The following FHIT variants were observed in gnomAD, a reference collection of about 807,000 sequenced individuals.
FHIT encodes the protein fragile histidine triad diadenosine triphosphatase, also known as bis(5'-adenosyl)-triphosphatase.
FHIT carries 19 observed loss-of-function variants against 17.9 expected under a neutral mutation model. The ratio of observed to expected loss-of-function variants is 1.06; its 90% CI spans 0.74 to 1.56. FHIT has a LOEUF of 1.56. Ranked by LOEUF, FHIT falls within the 40% of genes most tolerant of loss-of-function variation. FHIT has a pLI of 0.00. For missense variants in FHIT, 248 were observed against 189.2 expected (o/e 1.31, Z -1.82); for synonymous variants, 81 against 69.7 (o/e 1.16, Z -0.81).
intron 5 of FHIT, among the ~76,000 whole-genome samples, chr3:60,262,307 G>C (rs1202482691): frequency 1.3e-5 from 2 of 152,008 alleles, no homozygotes; most frequent in Non-Finnish European, 2.9e-5. Context: ...GGAACCAGTA[G>C]CATGGTGTAT....
intron 5 of FHIT, among the ~76,000 whole-genome samples, chr3:60,461,809 A>G (rs953999062): frequency 1.3e-5 from 2 of 152,168 alleles, no homozygotes; most frequent in Admixed American, 6.5e-5. Context: ...CAAACAAGCC[A>G]TGCTCTTTCC....
At chr3:60,471,595 G>A (rs973547682) in intron 5 of FHIT, among the ~76,000 whole-genome samples, 3 of 152,156 alleles carry the variant, frequency 2.0e-5, no homozygotes, top group Non-Finnish European at 2.9e-5. Context: ...ATGGCGGAAT[G>A]GTGACATCAA....
chr3:60,425,825 T>C (rs1354571244), intron 5 of FHIT, among the ~76,000 whole-genome samples: 4 of 152,040 alleles, frequency 2.6e-5, no homozygotes, highest in Non-Finnish European at 5.9e-5. Context: ...AAGTAAATGA[T>C]AGGATCCCAG....
At chr3:59,769,640 G>A (rs944966044) in intron 8 of FHIT, among the ~76,000 whole-genome samples, 2 of 151,918 alleles carry the variant, frequency 1.3e-5, no homozygotes, top group South Asian at 2.1e-4. Context: ...ATTATGTTTC[G>A]GATACCATAG....
intron 4 of FHIT, among the ~76,000 whole-genome samples, chr3:60,754,072 T>C (rs2042523041): frequency 6.6e-6 from 1 of 152,110 alleles, no homozygotes; most frequent in Non-Finnish European, 1.5e-5. Context: ...AATAAATCCT[T>C]ATGGTGTAGT....
At chr3:60,794,685 T>G (rs1553729673) in intron 4 of FHIT, among the ~76,000 whole-genome samples, 2 of 152,234 alleles carry the variant, frequency 1.3e-5, no homozygotes, top group African/African-American at 4.8e-5. Context: ...GGGGCTAATA[T>G]TTTAATAATC....
chr3:60,151,134 G>C (rs1314395945), intron 5 of FHIT, among the ~76,000 whole-genome samples: 1 of 152,060 alleles, frequency 6.6e-6, no homozygotes, highest in African/African-American at 2.4e-5. Flanking sequence ...TAAAAGACTG[G>C]ACATGAGAAT....
chr3:60,803,450 C>T (rs1468009529), intron 4 of FHIT, among the ~76,000 whole-genome samples: 5 of 152,170 alleles, frequency 3.3e-5, no homozygotes, highest in Non-Finnish European at 5.9e-5. Context: ...GCCCCATTCA[C>T]GTTCATTCAG....
At chr3:60,232,171 C>T (rs1200940600) in intron 5 of FHIT, among the ~76,000 whole-genome samples, 1 of 152,144 alleles carries the variant, frequency 6.6e-6, no homozygotes, top group Non-Finnish European at 1.5e-5. Flanking sequence ...CCTGTAAGAA[C>T]ACTCTCATTT....
chr3:60,971,039 T>C (rs1354947019), intron 3 of FHIT, among the ~76,000 whole-genome samples: 1 of 152,280 alleles, frequency 6.6e-6, no homozygotes, highest in East Asian at 1.9e-4. Context: ...TTTTATAATA[T>C]ATAACTATGA....
At chr3:61,216,228 G>A (rs1016330608) in intron 1 of FHIT, among the ~76,000 whole-genome samples, 1 of 152,104 alleles carries the variant, frequency 6.6e-6, no homozygotes, top group South Asian at 2.1e-4. Context: ...CGGAGAAAAT[G>A]TTTGCAACCT....
intron 2 of FHIT, among the ~76,000 whole-genome samples, chr3:61,048,807 G>A (rs1309273024): frequency 6.6e-6 from 1 of 152,130 alleles, no homozygotes; most frequent in Non-Finnish European, 1.5e-5. Flanking sequence ...AAAAAATGAT[G>A]AGTTCATGTC....
chr3:60,405,378 C>G (rs1324337468), intron 5 of FHIT, among the ~76,000 whole-genome samples: 1 of 152,186 alleles, frequency 6.6e-6, no homozygotes, highest in Non-Finnish European at 1.5e-5. Context: ...TAAAAGGTCC[C>G]AGACCCAGAT....
chr3:60,757,606 G>T (rs1265636039), intron 4 of FHIT, among the ~76,000 whole-genome samples: 2 of 152,158 alleles, frequency 1.3e-5, no homozygotes, highest in Non-Finnish European at 2.9e-5. Flanking sequence ...CTCTTCCTGG[G>T]AAGTGGCAGC....
chr3:60,281,899 T>C (rs1707476283), intron 5 of FHIT, among the ~76,000 whole-genome samples: 1 of 152,190 alleles, frequency 6.6e-6, no homozygotes, highest in African/African-American at 2.4e-5. Flanking sequence ...AGGCACAGAA[T>C]GGTAGAAAAT....
rs76881479 is a variant in FHIT, at chr3:60,029,221, A to C, written c.104-15069T>G. On this transcript the variant is annotated intron_variant, in intron 5 of 9. Transcript: ENST00000492590. Reference sequence around the variant, plus strand: ...AGAAAAACGTTAAAGGTCATAGAACAGTCATACGTTTTCCCATTGATTACT... The same window carrying C: ...AGAAAAACGTTAAAGGTCATAGAACCGTCATACGTTTTCCCATTGATTACT... Among the ~76,000 whole-genome samples, 688 of 152,334 alleles carry C rather than the reference A, an allele frequency of 4.5e-3. 1 individual carries two copies. The highest frequency in any genetic ancestry group is 7.2e-3 in the Non-Finnish European group (488 of 68,034).
At chr3:60,470,525 A>T (rs1576712488) in intron 5 of FHIT, among the ~76,000 whole-genome samples, 1 of 151,804 alleles carries the variant, frequency 6.6e-6, no homozygotes, top group East Asian at 2.0e-4. Flanking sequence ...CCTGGCTACC[A>T]ATGACATTCA....
intron 5 of FHIT, among the ~76,000 whole-genome samples, chr3:60,022,686 G>A (rs2106740960): frequency 6.6e-6 from 1 of 152,320 alleles, no homozygotes; most frequent in Middle Eastern, 3.4e-3. Flanking sequence ...ATGTTGAAGA[G>A]GATTCTGAAG....
intron 4 of FHIT, among the ~76,000 whole-genome samples, chr3:60,757,511 G>A (rs1203628900): frequency 7.9e-5 from 12 of 152,202 alleles, no homozygotes; most frequent in African/African-American, 2.9e-4. Flanking sequence ...GTCTAAATGA[G>A]TCAAGCATGT....
Sources: allele counts gnomAD v4.1 joint callset (sites outside exome capture counted in the v4.1 genomes callset), GRCh38; gene constraint gnomAD v4.1.1; transcripts MANE v1.5; gene names NCBI Gene and HGNC (gene_info 2026-07-23, HGNC 2026-07-21).